Variants in CCM2 observed in about 807,000 individuals in gnomAD.
The protein encoded by CCM2 is CCM2 scaffold protein, also known as cerebral cavernous malformations 2 protein.
CCM2 carries 25 observed loss-of-function variants against 44.9 expected under a neutral mutation model. That is an observed-to-expected ratio of 0.56 (90% CI 0.41 to 0.78). The LOEUF (loss-of-function observed/expected upper bound fraction) is 0.78. CCM2 is among the 30% of genes least tolerant of loss of function. The pLI is 0.00. For synonymous variants in CCM2, 219 were observed against 241.1 expected, an observed-to-expected ratio of 0.91 and a Z score of 0.85; for missense variants, 481 against 580.6, an observed-to-expected ratio of 0.83 and a Z score of 1.76.
At chr7:45,034,467 C>A (rs900786618) in intron 1 of CCM2, among the ~76,000 whole-genome samples, 1 of 149,448 alleles carries the variant, frequency 6.7e-6, no homozygotes, top group South Asian at 2.1e-4. Flanking sequence ...CCAGTCTTGG[C>A]CTCCCAAAGT....
intron 1 of CCM2, chr7:45,027,274 C>T: frequency 1.9e-5 from 6 of 323,586 alleles, no homozygotes; most frequent in South Asian, 1.6e-4. Flanking sequence ...GAGGCAGGTA[C>T]CATGGGTCTT....
intron 4 of CCM2, among the ~76,000 whole-genome samples, chr7:45,065,718 C>A (rs1490262679): frequency 6.6e-6 from 1 of 152,174 alleles, no homozygotes; most frequent in Non-Finnish European, 1.5e-5. Flanking sequence ...GTGGCTGTTG[C>A]TCTGTTTTGT....
chr7:45,013,031 A>G (rs1310292458), intron 1 of CCM2, among the ~76,000 whole-genome samples: 1 of 151,862 alleles, frequency 6.6e-6, no homozygotes, highest in Non-Finnish European at 1.5e-5. Context: ...TATCATTTTG[A>G]TATTTGTTTT....
At chr7:45,000,818 C>T (rs562293687) in intron 1 of CCM2, among the ~76,000 whole-genome samples, 2 of 152,198 alleles carry the variant, frequency 1.3e-5, no homozygotes, top group African/African-American at 4.8e-5. Context: ...TCACTCAGAC[C>T]TAAAACCATT....
chr7:45,062,880 G>A lies in CCM2; in HGVS notation c.205-1038G>A, dbSNP rs75953217. Among the ~76,000 whole-genome samples, 149 of 151,682 alleles carry A rather than the reference G, an allele frequency of 9.8e-4. 2 individuals are homozygous for A. In the East Asian group the frequency reaches 0.025, roughly 25 times the overall value. The stretch of plus-strand genomic sequence containing the variant: ...GGAGGCTAGGAGGTTTAAGGTTGAA[G>A]GGCACAGCTGGTGAGGGGCTGCATC... On this transcript the variant is annotated intron_variant, in intron 2 of 9. Coordinates refer to ENST00000258781, the MANE Select transcript of CCM2 (RefSeq NM_031443.4).
intron 1 of CCM2, among the ~76,000 whole-genome samples, chr7:45,002,181 T>G (rs533628697): frequency 7.8e-4 from 119 of 152,364 alleles, no homozygotes; most frequent in Non-Finnish European, 1.3e-3. Context: ...TGCTCTAAAC[T>G]TATACACAAA....
chr7:45,053,529 G>C (rs903676947), intron 2 of CCM2, among the ~76,000 whole-genome samples: 2 of 152,184 alleles, frequency 1.3e-5, no homozygotes, highest in African/African-American at 4.8e-5. Context: ...ATCCCTGCAT[G>C]GATCCCAGGC....
upstream of CCM2, chr7:44,999,796 A>G (rs1206821677): frequency 4.5e-6 from 2 of 448,686 alleles, no homozygotes; most frequent in African/African-American, 4.1e-5. Flanking sequence ...AAAAAGTTGG[A>G]GCTGCTCCCG....
intron 1 of CCM2, among the ~76,000 whole-genome samples, chr7:45,006,140 TCAAAAG>T (rs1795837472): frequency 6.6e-6 from 1 of 151,922 alleles, no homozygotes; most frequent in African/African-American, 2.4e-5. Context: ...TATGAAAACT[TCAAAAG>T]CAAATGTAAA....
chr7:45,059,415 TG>T (rs1209704073), intron 2 of CCM2, among the ~76,000 whole-genome samples: 1 of 144,352 alleles, frequency 6.9e-6, no homozygotes, highest in East Asian at 2.0e-4. Context: ...AAACCCTGTC[TG>T]TTAAAAAAAA....
chr7:45,047,914 A>G (rs1176965429), intron 2 of CCM2, among the ~76,000 whole-genome samples: 1 of 152,220 alleles, frequency 6.6e-6, no homozygotes, highest in East Asian at 1.9e-4. Flanking sequence ...ATAAAAGTTT[A>G]ATTATAAAGA....
intron 6 of CCM2, chr7:45,071,849 C>T (rs938721369): frequency 2.2e-6 from 1 of 456,636 alleles, no homozygotes; most frequent in African/African-American, 2.0e-5. Flanking sequence ...CCCAAATTCT[C>T]CAGGGTCATC....
chr7:45,032,699 C>T (rs1377958559), intron 1 of CCM2, among the ~76,000 whole-genome samples: 1 of 152,124 alleles, frequency 6.6e-6, no homozygotes, highest in East Asian at 1.9e-4. Context: ...TCAGTACCAG[C>T]GTTTATTGCT....
chr7:45,022,273 A>G (rs1467170874), intron 1 of CCM2, among the ~76,000 whole-genome samples: 1 of 33,500 alleles, frequency 3.0e-5, no homozygotes, highest in Non-Finnish European at 6.4e-5. Context: ...GGGGATCATT[A>G]TTTTTTTTTG....
At chr7:44,999,994 G>A, upstream of CCM2, 1 of 249,742 alleles carries the variant, frequency 4.0e-6, no homozygotes, top group Non-Finnish European at 8.2e-6. Flanking sequence ...TCTTCAGCCT[G>A]TGGGCGGTGC....
intron 8 of CCM2, 134 bp downstream of exon 8, chr7:45,073,705 T>G (rs1156439344): frequency 1.6e-6 from 1 of 639,574 alleles, no homozygotes; most frequent in Non-Finnish European, 2.8e-6. Flanking sequence ...GCACTCTTGG[T>G]CAATTTTGCT....
At chr7:45,054,858 G>T (rs1439199248) in intron 2 of CCM2, among the ~76,000 whole-genome samples, 1 of 152,224 alleles carries the variant, frequency 6.6e-6, no homozygotes, top group Non-Finnish European at 1.5e-5. Context: ...AGGAGACAGG[G>T]TTCCCCAGGG....
chr7:45,037,504 G>A (rs1314023955), intron 1 of CCM2, among the ~76,000 whole-genome samples: 2 of 140,436 alleles, frequency 1.4e-5, no homozygotes, highest in African/African-American at 5.4e-5. Context: ...TGCAATCTCC[G>A]CCTCCTGGGT....
intron 4 of CCM2, among the ~76,000 whole-genome samples, chr7:45,064,892 T>G (rs1798698126): frequency 1.3e-5 from 2 of 152,184 alleles, no homozygotes; most frequent in African/African-American, 2.4e-5. Flanking sequence ...TATTTAGGAC[T>G]GGTATCCTGT....
Sources: gnomAD v4.1 joint callset for allele counts (sites outside exome capture counted in the v4.1 genomes callset) on GRCh38, gnomAD v4.1.1 for gene constraint, MANE v1.5 for transcripts, NCBI Gene and HGNC (gene_info 2026-07-23, HGNC 2026-07-21) for gene names.